The following SBF1 variants were observed in gnomAD, a reference collection of about 807,000 sequenced individuals.
SBF1 encodes the protein SET binding factor 1, also known as myotubularin-related protein 5.
SBF1 carries 65 observed loss-of-function variants against 215.8 expected under a neutral mutation model. That is an observed-to-expected ratio of 0.30 (90% CI 0.25 to 0.37). The LOEUF (loss-of-function observed/expected upper bound fraction) is 0.37, where lower values mean the gene tolerates loss of function less well. SBF1 is among the 10% of genes least tolerant of loss of function. The pLI is 1.00. For missense variants in SBF1, 2,634 were observed against 2,667.8 expected (o/e 0.99, Z 0.28); for synonymous variants, 1,410 against 1,122.8 (o/e 1.26, Z -5.11).
chr22:50,453,736 G>A (rs973194187), intron 36 of SBF1, among the ~76,000 whole-genome samples: 12 of 152,138 alleles, frequency 7.9e-5, no homozygotes, highest in Admixed American at 7.9e-4. Flanking sequence ...GCAGTGAGCG[G>A]AGATCGCGCC....
At chr22:50,461,329 G>GC (rs1569512121) in intron 22 of SBF1, 43 bp from the exon 23 acceptor site, 3 of 1,537,150 alleles carry the variant, frequency 2.0e-6, no homozygotes, top group Non-Finnish European at 1.7e-6. Flanking sequence ...GAAGGTAAGG[G>GC]GGGGGGGGTC....
chr22:50,464,207 C>A, intron 15 of SBF1, 122 bp downstream of exon 15: 1 of 826,028 alleles, frequency 1.2e-6, no homozygotes. Flanking sequence ...CCAGCCACCT[C>A]TAGCTGTCTG....
At chr22:50,458,126 T>C (rs978843092) in intron 28 of SBF1, among the ~76,000 whole-genome samples, 27 of 152,116 alleles carry the variant, frequency 1.8e-4, no homozygotes, top group African/African-American at 3.9e-4. Context: ...GGTAAAACCC[T>C]GTCTCTACTA....
chr22:50,455,416 G>C lies in SBF1; in HGVS notation c.4369-7C>G. ...GCTGCACCAAGGATACCACCTGCCA[G>C]CACCGCCAGGAGGTCAGCGAGGAGC... is the stretch of plus-strand genomic sequence containing the variant. On this transcript the variant is annotated splice_polypyrimidine_tract_variant and splice_region_variant and intron_variant, in intron 32 of 40. Transcript: ENST00000380817. The C allele has an allele frequency of 1.2e-6, 2 of 1,611,988 alleles. No individual in the cohort carries two copies. The highest frequency in any genetic ancestry group is 4.5e-5 in the East Asian group (2 of 44,830).
intron 31 of SBF1, chr22:50,455,811 G>A (rs1409004250): frequency 1.7e-6 from 1 of 584,678 alleles, no homozygotes; most frequent in Admixed American, 3.0e-5. Context: ...AGCCCTCTAG[G>A]ACTGAGGGAC....
chr22:50,455,566 T>C lies in SBF1; in HGVS notation c.4283A>G (p.Gln1428Arg). 1 of 1,582,050 alleles carries C rather than the reference T, an allele frequency of 6.3e-7. No individual in the cohort carries two copies. Among genetic ancestry groups the C allele is most frequent in the East Asian group, 2.3e-5 (1 of 42,976 alleles). ...GAGCTCCACCACCAGCACAGACACC[T>C]GCAGCAGCTTGTGGATCTGCAGGGA... is the stretch of plus-strand genomic sequence containing the variant. The part of the protein sequence containing the change: ...EWLIQIHKLL[Q>R]VSVLVVELLD... Residue 1428 changes from glutamine to arginine, a missense_variant, in exon 32 of 41, where the codon CAG (glutamine) becomes CGG (arginine). By Grantham distance (43) the Gln-to-Arg change is conservative. Transcript: ENST00000380817.
rs114880473 is a variant in SBF1 at position 50,461,650 on chromosome 22, C to G, written c.2712G>C (p.Leu904=). 1.2e-3 allele frequency: 1,866 copies of G among 1,611,062 alleles called. 21 individuals carry two copies. The African/African-American group carries it at 0.023, about 20-fold the overall frequency. ...ECVLDGLRVY[L]LPDGREEGAG... ...CGCCCTCCTCACGCCCATCCGGCAGCAGGTAGACGCGCAGGCCGTCCAGCA... is the reference window on the plus strand; with the variant it reads ...CGCCCTCCTCACGCCCATCCGGCAGGAGGTAGACGCGCAGGCCGTCCAGCA... The change falls in exon 22 of 41, where the codon CTG becomes CTC. Residue 904 remains leucine (L), a synonymous_variant. Coordinates refer to ENST00000380817, the MANE Select transcript of SBF1 (RefSeq NM_002972.4).
Position 50,461,931 on chromosome 22 carries a change from G to C in SBF1, c.2569+16C>G, listed in dbSNP as rs79074954. On this transcript the variant is annotated intron_variant, in intron 20 of 40. Transcript: ENST00000380817. ...CCACCCATCCAAGGGGGAATCACCA[G>C]CCCAAACCCCCGTACCTGGCACCAT... 4 of 1,613,982 alleles carry C rather than the reference G, an allele frequency of 2.5e-6. No homozygotes were observed. The Admixed American group carries it at 5.0e-5, about 20-fold the overall frequency.
Position 50,455,044 on chromosome 22 carries a change from G to T in SBF1, c.4653C>A (p.Leu1551=), listed in dbSNP as rs200816076. ...HVSRRFRTFL[L]DSDYERIELG... ...GCTCAATGCGCTCATAGTCAGAGTCGAGCAGGAAGGTCCGGAAACGGCGGG... is the reference window on the plus strand; with the variant it reads ...GCTCAATGCGCTCATAGTCAGAGTCTAGCAGGAAGGTCCGGAAACGGCGGG... The change falls in exon 34 of 41, where the codon CTC becomes CTA. Residue 1551 remains leucine, a synonymous_variant. Transcript: ENST00000380817. The T allele has an allele frequency of 1.2e-6, 2 of 1,614,142 alleles. No homozygotes were observed. The highest frequency in any genetic ancestry group is 1.1e-5 in the South Asian group (1 of 91,058).
intron 1 of SBF1, among the ~76,000 whole-genome samples, chr22:50,473,892 C>T (rs4824153): frequency 0.36 from 55,450 of 152,166 alleles, 11,528 homozygotes; most frequent in Non-Finnish European, 0.47. Flanking sequence ...AACTTCTCTA[C>T]AGATGGGGGC....
In SBF1 at chr22:50,446,716, C is replaced by T. The variant is rs763413647; in HGVS notation, c.*426G>A. On this transcript the variant is annotated 3_prime_UTR_variant, in exon 41 of 41. Coordinates refer to ENST00000380817, the MANE Select transcript of SBF1 (RefSeq NM_002972.4). ...GCTCACGAGAAAGATGCCAACCTCC[C>T]GCCAGGTGGGCCTGGATAGGGGCAG... 66 of 421,200 alleles carry T rather than the reference C, an allele frequency of 1.6e-4. No individual in the cohort carries two copies. The highest frequency in any genetic ancestry group is 5.8e-4 in the South Asian group (32 of 55,540). The allele number at this position is 421,200 out of a possible 1,614,324, so 26.1% of individuals were successfully genotyped here. A position where few individuals can be genotyped will look rare whatever the true frequency, so the allele number is the denominator to read the frequency against.
In SBF1 at chr22:50,459,527, C is replaced by T. The variant is rs746086795; in HGVS notation, c.3631G>A (p.Gly1211Ser). 1.1e-5 allele frequency: 18 copies of T among 1,610,208 alleles called. No individual in the cohort carries two copies. In the African/African-American group the frequency reaches 2.3e-4, roughly 20 times the overall value. Residue 1211 changes from glycine (G) to serine (S), a missense_variant, in exon 27 of 41, where the codon GGC becomes AGC. Gly to Ser is a moderately conservative substitution (Grantham distance 56). Transcript: ENST00000380817. The stretch of plus-strand genomic sequence containing the variant: ...CCGACGACACCTTTGCCATGCAGGC[C>T]TCCAGAGCGCAGCAGCACCGCCTTG... ...RSKAVLLRSGGLHGKGVVGLF... is the reference protein window; with the variant it reads ...RSKAVLLRSGSLHGKGVVGLF...
At position 50,465,218 on chromosome 22, in the gene SBF1, A is replaced by T. The variant is rs770231355; in HGVS notation, c.1200T>A (p.His400Gln). 2.5e-6 allele frequency: 4 copies of T among 1,612,546 alleles called. No individual in the cohort carries two copies. The South Asian group carries it at 3.3e-5, about 13-fold the overall frequency. ...GCCCAGCCACCAGGCACCCCACCTTATGGAAGCGGATGACAGGCTCCGGGT... is the reference window on the plus strand; with the variant it reads ...GCCCAGCCACCAGGCACCCCACCTTTTGGAAGCGGATGACAGGCTCCGGGT... ...RIHPEPVIRFHKAAFLGQRGL... is the reference protein window; with the variant it reads ...RIHPEPVIRFQKAAFLGQRGL... Residue 400 changes from histidine to glutamine, a missense_variant, in exon 11 of 41, where the codon CAT (histidine) becomes CAA (glutamine). His to Gln is a conservative substitution (Grantham distance 24). Transcript: ENST00000380817.
chr22:50,463,823 G>C (rs897852470), intron 15 of SBF1, among the ~76,000 whole-genome samples: 2 of 152,212 alleles, frequency 1.3e-5, no homozygotes, highest in African/African-American at 4.8e-5. Context: ...CACAAAACTG[G>C]CCGCCCCAAA....
intron 28 of SBF1, among the ~76,000 whole-genome samples, chr22:50,458,971 G>A (rs979112726): frequency 6.6e-6 from 1 of 152,230 alleles, no homozygotes; most frequent in African/African-American, 2.4e-5. Flanking sequence ...GGCAGCACCC[G>A]GAGGACCCTA....
intron 16 of SBF1, among the ~76,000 whole-genome samples, 159 bp downstream of exon 16, chr22:50,463,124 G>C (rs561685918): frequency 1.9e-4 from 29 of 152,262 alleles, no homozygotes; most frequent in Middle Eastern, 6.8e-3. Context: ...CCCCAACAAT[G>C]GTTCTCTCCA....
chr22:50,461,481 G>A (rs1448309594), intron 22 of SBF1, 42 bp downstream of exon 22: 16 of 1,552,432 alleles, frequency 1.0e-5, no homozygotes, highest in Admixed American at 1.8e-5. Flanking sequence ...CCAAAGACCT[G>A]GGGGAGAGGG....
Position 50,457,159 on chromosome 22 carries a change from C to T in SBF1, c.3827-48G>A, listed in dbSNP as rs765781792. 15 of 1,404,818 alleles carry T rather than the reference C, an allele frequency of 1.1e-5. 1 individual carries two copies. In the Admixed American group the frequency reaches 1.8e-4, roughly 17 times the overall value. 87.0% of individuals were successfully genotyped at this position (1,404,818 alleles called of 1,614,324 possible). A position where few individuals can be genotyped will look rare whatever the true frequency, so the allele number is the denominator to read the frequency against. On this transcript the variant is annotated intron_variant, in intron 28 of 40. Coordinates refer to ENST00000380817, the MANE Select transcript of SBF1 (RefSeq NM_002972.4). ...GCTCAGGCCTAGCCCCAGGCCTGGG[C>T]GTGCCCAGCTTGGGGGTGCCTACAG...
chr22:50,455,711 G>A, intron 31 of SBF1, 129 bp from the exon 32 acceptor site: 1 of 743,558 alleles, frequency 1.3e-6, no homozygotes, highest in Non-Finnish European at 2.3e-6. Flanking sequence ...CCCAAGCCCT[G>A]TATGCGGGCA....
Sources: gnomAD v4.1 joint callset for allele counts (sites outside exome capture counted in the v4.1 genomes callset) on GRCh38, gnomAD v4.1.1 for gene constraint, MANE v1.5 for transcripts, NCBI Gene and HGNC (gene_info 2026-07-23, HGNC 2026-07-21) for gene names.